Variants in NTRK3 observed in about 807,000 individuals in gnomAD.
NTRK3 encodes the protein neurotrophic receptor tyrosine kinase 3, also known as NT-3 growth factor receptor.
In NTRK3, 24 loss-of-function variants were observed where a neutral mutation model predicts 91.7. The ratio of observed to expected loss-of-function variants is 0.26; its 90% confidence interval spans 0.19 to 0.37. NTRK3 has a LOEUF of 0.37. Ranked by LOEUF, NTRK3 falls within the 10% of genes least tolerant of loss-of-function variation. NTRK3 has a pLI of 1.00. For missense variants in NTRK3, 880 were observed against 1,068.9 expected, an observed-to-expected ratio of 0.82 and a Z score of 2.46; for synonymous variants, 483 against 404.0, an observed-to-expected ratio of 1.20 and a Z score of -2.34.
At chr15:88,208,413 A>T (rs951361624) in intron 3 of NTRK3, among the ~76,000 whole-genome samples, 1 of 152,148 alleles carries the variant, frequency 6.6e-6, no homozygotes, top group African/African-American at 2.4e-5. Context: ...GTGAGAAAGC[A>T]ATTTGACATT....
exon 19 of NTRK3, chr15:87,862,377 A>G (rs2064552104): frequency 8.8e-6 from 2 of 226,096 alleles, no homozygotes; most frequent in Non-Finnish European, 1.8e-5. Flanking sequence ...ACTAAATGTT[A>G]TGGATGTTAT....
At position 88,033,176 on chromosome 15, in the gene NTRK3, T is replaced by TATATATATATATATA. The variant is rs1491166187; in HGVS notation, c.1397-132_1397-131insTATATATATATATAT. ...CTTTTTTTTACTTTTGGGGGGTGTG[T>TATATATATATATATA]TATATATATATATATATATATATAT... is the stretch of plus-strand genomic sequence containing the variant. On this transcript the variant is annotated intron_variant, in intron 13 of 18. Coordinates refer to ENST00000394480, the Ensembl canonical transcript of NTRK3. 3 of 192,386 alleles carry TATATATATATATATA rather than the reference T, an allele frequency of 1.6e-5. No homozygotes were observed. In the African/African-American group the frequency reaches 1.8e-4, roughly 12 times the overall value. 11.9% of individuals were successfully genotyped at this position (192,386 alleles called of 1,614,324 possible). A position where few individuals can be genotyped will look rare whatever the true frequency, so the allele number is the denominator to read the frequency against.
At chr15:88,049,804 A>G (rs896044579) in intron 13 of NTRK3, among the ~76,000 whole-genome samples, 3 of 152,238 alleles carry the variant, frequency 2.0e-5, no homozygotes, top group African/African-American at 4.8e-5. Flanking sequence ...TTGGGAGCAG[A>G]GAAACTTGAA....
At chr15:88,032,922 C>A (rs140370971) in exon 14 of NTRK3, 1 of 1,613,608 alleles carries the variant, frequency 6.2e-7, no homozygotes, top group African/African-American at 1.3e-5. Flanking sequence ...GACAGGGATG[C>A]GAGTCATGCC....
chr15:88,132,599 A>G (rs184080242), intron 10 of NTRK3, among the ~76,000 whole-genome samples: 24 of 152,266 alleles, frequency 1.6e-4, no homozygotes, highest in Non-Finnish European at 3.4e-4. Flanking sequence ...AGAAACACAC[A>G]TGATAATCAC....
chr15:88,013,803 G>A (rs8035145), intron 14 of NTRK3, among the ~76,000 whole-genome samples: 35,324 of 152,028 alleles, frequency 0.23, 4,616 homozygotes, highest in South Asian at 0.39. Context: ...GGTAGCAGGC[G>A]TGGTGGTGCG....
intron 17 of NTRK3, among the ~76,000 whole-genome samples, chr15:87,917,368 T>C (rs2067519714): frequency 6.6e-6 from 1 of 152,210 alleles, no homozygotes; most frequent in Non-Finnish European, 1.5e-5. Flanking sequence ...GCAAACCATC[T>C]GTCTGGGATG....
intron 13 of NTRK3, 130 bp from the exon 14 acceptor site, chr15:88,033,175 G>A (rs1186397548): frequency 9.0e-6 from 2 of 223,080 alleles, no homozygotes; most frequent in African/African-American, 1.9e-4. Flanking sequence ...TGGGGGGTGT[G>A]TTATATATAT....
intron 18 of NTRK3, among the ~76,000 whole-genome samples, chr15:87,877,536 G>C (rs77500422): frequency 0.016 from 2,500 of 152,114 alleles, 38 homozygotes; most frequent in African/African-American, 0.033. Flanking sequence ...CTTTGAAACT[G>C]CCATGAAGGA....
At chr15:88,098,256 G>A (rs1174986090) in intron 13 of NTRK3, among the ~76,000 whole-genome samples, 1 of 152,090 alleles carries the variant, frequency 6.6e-6, no homozygotes, top group East Asian at 1.9e-4. Context: ...TGGCAAAAAC[G>A]AGCGAGTGGC....
At chr15:88,119,705 C>T (rs545147989) in intron 13 of NTRK3, among the ~76,000 whole-genome samples, 9 of 152,272 alleles carry the variant, frequency 5.9e-5, no homozygotes, top group African/African-American at 2.2e-4. Context: ...AGGAAGAAAA[C>T]GAGGAGGAGC....
chr15:87,922,122 A>G (rs1012931807), intron 17 of NTRK3, among the ~76,000 whole-genome samples: 1 of 152,168 alleles, frequency 6.6e-6, no homozygotes, highest in African/African-American at 2.4e-5. Context: ...TCAAATTACC[A>G]TCATTAGCTT....
chr15:88,076,976 T>C (rs2047604991), intron 13 of NTRK3, among the ~76,000 whole-genome samples: 1 of 152,012 alleles, frequency 6.6e-6, no homozygotes, highest in Admixed American at 6.6e-5. Context: ...GTGCCTGTAG[T>C]CCCAGTACTC....
At chr15:88,232,248 T>G (rs1163238961) in intron 3 of NTRK3, among the ~76,000 whole-genome samples, 1 of 151,962 alleles carries the variant, frequency 6.6e-6, no homozygotes, top group Non-Finnish European at 1.5e-5. Context: ...ATCCTCAAAG[T>G]TTTCCTAAAA....
chr15:87,893,499 C>T (rs1158673613), intron 17 of NTRK3, among the ~76,000 whole-genome samples: 3 of 152,244 alleles, frequency 2.0e-5, no homozygotes, highest in Non-Finnish European at 4.4e-5. Context: ...CCAACCACAG[C>T]TGTCCCTCCT....
At chr15:87,934,111 G>A (rs535742324) in intron 15 of NTRK3, among the ~76,000 whole-genome samples, 1 of 152,326 alleles carries the variant, frequency 6.6e-6, no homozygotes, top group Admixed American at 6.5e-5. Context: ...GAAGGACCTT[G>A]GTTAGGGCAC....
At chr15:87,979,728 T>C (rs1370409058) in intron 14 of NTRK3, among the ~76,000 whole-genome samples, 1 of 152,146 alleles carries the variant, frequency 6.6e-6, no homozygotes, top group Non-Finnish European at 1.5e-5. Flanking sequence ...CCTTGGATTG[T>C]CATGGAAGAG....
chr15:87,965,250 C>T (rs2072681051), intron 14 of NTRK3, among the ~76,000 whole-genome samples: 1 of 152,144 alleles, frequency 6.6e-6, no homozygotes, highest in South Asian at 2.1e-4. Context: ...ACTGAATTTT[C>T]TACTGTGAAT....
At chr15:88,149,346 A>C (rs886323971) in intron 5 of NTRK3, among the ~76,000 whole-genome samples, 2 of 152,114 alleles carry the variant, frequency 1.3e-5, no homozygotes, top group African/African-American at 4.8e-5. Flanking sequence ...GGAAAGAAAC[A>C]TAGGTAGATG....
Sources: gnomAD v4.1 joint callset for allele counts (sites outside exome capture counted in the v4.1 genomes callset) on GRCh38, gnomAD v4.1.1 for gene constraint, MANE v1.5 for transcripts, NCBI Gene and HGNC (gene_info 2026-07-23, HGNC 2026-07-21) for gene names.